Variants in CHD2 observed in about 807,000 individuals in gnomAD.
The protein encoded by CHD2 is chromodomain helicase DNA binding protein 2.
CHD2 carries 28 observed loss-of-function variants against 243.9 expected under a neutral mutation model. The observed-to-expected ratio is 0.11, with a 90% CI of 0.09 to 0.16. The LOEUF is 0.16. CHD2 is among the 10% of genes least tolerant of loss of function. The probability of loss-of-function intolerance (pLI) is 1.00; values close to 1 mark genes in which losing one functional copy is unlikely to be tolerated. For synonymous variants in CHD2, 775 were observed against 779.0 expected, an observed-to-expected ratio of 0.99 and a Z score of 0.09; for missense variants, 1,386 against 2,209.8, an observed-to-expected ratio of 0.63 and a Z score of 7.47.
intron 37 of CHD2, among the ~76,000 whole-genome samples, chr15:93,016,847 A>G (rs1256290439): frequency 6.6e-6 from 1 of 151,842 alleles, no homozygotes; most frequent in Non-Finnish European, 1.5e-5. Flanking sequence ...AAAATTTTGG[A>G]AATTTGATTA....
At chr15:92,941,186 C>T (rs561488504) in intron 7 of CHD2, among the ~76,000 whole-genome samples, 217 of 151,132 alleles carry the variant, frequency 1.4e-3, no homozygotes, top group African/African-American at 4.6e-3. Flanking sequence ...TTAATCGATA[C>T]GGTCACCATG....
At chr15:92,970,877 G>A (rs891646487) in intron 17 of CHD2, among the ~76,000 whole-genome samples, 10 of 152,074 alleles carry the variant, frequency 6.6e-5, no homozygotes, top group Admixed American at 3.3e-4. Flanking sequence ...AAGAAATTGC[G>A]CCACTCAGGA....
intron 5 of CHD2, among the ~76,000 whole-genome samples, chr15:92,934,318 C>G (rs1446397151): frequency 1.3e-5 from 2 of 152,204 alleles, no homozygotes. Flanking sequence ...TTTTCCATGT[C>G]TATTTACATT....
At position 92,953,282 on chromosome 15, in the gene CHD2, G is replaced by A. The variant is rs533154257; in HGVS notation, c.1503-75G>A. 4.8e-5 allele frequency: 57 copies of A among 1,192,892 alleles called. No individual in the cohort carries two copies. In the Middle Eastern group the frequency reaches 1.2e-3, roughly 25 times the overall value. 73.9% of individuals were successfully genotyped at this position (1,192,892 alleles called of 1,614,324 possible). ...GCTGTTATTGTGAAGCATTGGTGTC[G>A]TTGCTGTTTATGCACATTCTGTGTT... On this transcript the variant is annotated intron_variant, in intron 13 of 38. Coordinates refer to ENST00000394196, the MANE Select transcript of CHD2 (RefSeq NM_001271.4).
chr15:92,952,889 A>T (rs2053572452), intron 13 of CHD2, among the ~76,000 whole-genome samples: 1 of 152,198 alleles, frequency 6.6e-6, no homozygotes, highest in Non-Finnish European at 1.5e-5. Flanking sequence ...ATGCACCTAT[A>T]CATGTAGGTC....
chr15:92,940,950 TATAAATATATATAAATATAA>T (rs1178624965), intron 7 of CHD2, among the ~76,000 whole-genome samples: 2 of 124,260 alleles, frequency 1.6e-5, no homozygotes, highest in South Asian at 2.5e-4. Context: ...TATATATAAA[TATAAATATATATAAATATAA>T]ATATAAATAT....
At position 92,972,328 on chromosome 15, in the gene CHD2, A is replaced by C; in HGVS notation, c.2416A>C (p.Arg806=). Reference sequence around the variant, plus strand: ...CAAACTGTTGACAAGACTTCGAGAAAGGGGGAATCGAGTGCTTATCTTCTC... The same window carrying C: ...CAAACTGTTGACAAGACTTCGAGAACGGGGGAATCGAGTGCTTATCTTCTC... The part of the protein sequence containing the change: ...LDKLLTRLRE[R]GNRVLIFSQM... The change falls in exon 19 of 39, where the codon AGG becomes CGG. Residue 806 remains arginine (R), a synonymous_variant. Transcript: ENST00000394196. The C allele has an allele frequency of 6.2e-7, 1 of 1,613,220 alleles. No homozygotes were observed. Among genetic ancestry groups the C allele is most frequent in the Non-Finnish European group, 8.5e-7 (1 of 1,179,570 alleles).
rs1359312011 is a variant in CHD2 at position 93,027,480 on chromosome 15, C to G, written c.*2775C>G. 6.6e-6 allele frequency: 1 copy of G among 152,324 alleles called. No individual in the cohort carries two copies. Among genetic ancestry groups the G allele is most frequent in the Non-Finnish European group, 1.5e-5 (1 of 68,076 alleles). 9.4% of individuals were successfully genotyped at this position (152,324 alleles called of 1,614,324 possible). On this transcript the variant is annotated 3_prime_UTR_variant, in exon 39 of 39. Transcript: ENST00000394196. ...GTGCCAGCAGAGCCCGGGGCTCACT[C>G]TCCTTTCAGTCATTCCTCAGCCCTT...
chr15:92,920,598 T>A (rs1383389158), intron 2 of CHD2, among the ~76,000 whole-genome samples: 1 of 152,196 alleles, frequency 6.6e-6, no homozygotes, highest in Non-Finnish European at 1.5e-5. Context: ...CTGCCTTTTG[T>A]GGGTCTCTAG....
chr15:92,997,172 C>T lies in CHD2; in HGVS notation c.3734+77C>T. On this transcript the variant is annotated intron_variant, in intron 29 of 38. Transcript: ENST00000394196. The surrounding 1 kb of genome is among the most constrained non-coding windows in gnomAD (Gnocchi z 4.1). ...TTTGAAGTTAGACTTTGTGTAGTTC[C>T]ATAGTATTTTTACTGTCTCTTCTTT... The T allele has an allele frequency of 6.2e-7, 1 of 1,606,150 alleles. No individual in the cohort carries two copies. The highest frequency in any genetic ancestry group is 8.5e-7 in the Non-Finnish European group (1 of 1,176,662).
intron 34 of CHD2, among the ~76,000 whole-genome samples, chr15:93,007,507 A>G (rs2054336202): frequency 6.6e-6 from 1 of 152,192 alleles, no homozygotes; most frequent in South Asian, 2.1e-4. Context: ...GAAGTATAAC[A>G]CAGAAAAATC....
chr15:92,938,634 T>C (rs935413039), intron 6 of CHD2, among the ~76,000 whole-genome samples: 1 of 152,242 alleles, frequency 6.6e-6, no homozygotes, highest in African/African-American at 2.4e-5. Flanking sequence ...TTTTAGAATT[T>C]TGCTCATTAT....
chr15:92,965,565 C>CAAAAAAAAAAAAAA (rs61447848), intron 16 of CHD2, among the ~76,000 whole-genome samples: 10 of 111,044 alleles, frequency 9.0e-5, no homozygotes, highest in Non-Finnish European at 1.4e-4. Context: ...ACTCTTTCTC[C>CAAAAAAAAAAAAAA]AAAAAAAAAA....
chr15:92,976,412 C>T (rs1249590412), intron 20 of CHD2, among the ~76,000 whole-genome samples: 1 of 152,112 alleles, frequency 6.6e-6, no homozygotes, highest in Non-Finnish European at 1.5e-5. Context: ...CTAGACACAA[C>T]TTGCTGTTCA....
intron 6 of CHD2, 43 bp from the exon 7 acceptor site, chr15:92,939,535 G>T: frequency 6.3e-7 from 1 of 1,593,106 alleles, no homozygotes; most frequent in East Asian, 2.2e-5. Flanking sequence ...GACACCAAAT[G>T]ATAAAGTGAA....
intron 37 of CHD2, among the ~76,000 whole-genome samples, chr15:93,015,688 G>C (rs1181270301): frequency 2.6e-5 from 4 of 151,984 alleles, no homozygotes; most frequent in Non-Finnish European, 5.9e-5. Context: ...CGATTAAAAA[G>C]TGGGTAAAGG....
At chr15:92,950,646 T>C (rs546269666) in intron 13 of CHD2, among the ~76,000 whole-genome samples, 1 of 152,030 alleles carries the variant, frequency 6.6e-6, no homozygotes, top group Admixed American at 6.6e-5. Flanking sequence ...CTCAGCTACT[T>C]GGGGGCTGAG....
At position 92,991,457 on chromosome 15, in the gene CHD2, T is replaced by C; in HGVS notation, c.3414-19T>C. ...TAAGTCTCTGTTTTTTTAATATGTT[T>C]TATTGATCCTATTCTTAGGTTCATC... On this transcript the variant is annotated intron_variant, in intron 26 of 38. Coordinates refer to ENST00000394196, the MANE Select transcript of CHD2 (RefSeq NM_001271.4). 4 of 1,583,838 alleles carry C rather than the reference T, an allele frequency of 2.5e-6. No homozygotes were observed. Among genetic ancestry groups the C allele is most frequent in the Non-Finnish European group, 3.5e-6 (4 of 1,157,368 alleles).
At chr15:92,926,723 A>C (rs959611910) in intron 3 of CHD2, among the ~76,000 whole-genome samples, 3 of 152,210 alleles carry the variant, frequency 2.0e-5, no homozygotes, top group Non-Finnish European at 4.4e-5. Flanking sequence ...CATTCTGAGA[A>C]CTTCTAGCTA....
Sources: allele counts gnomAD v4.1 joint callset (sites outside exome capture counted in the v4.1 genomes callset), GRCh38; gene constraint gnomAD v4.1.1; non-coding constraint Gnocchi (gnomAD v3.1); transcripts MANE v1.5; gene names NCBI Gene and HGNC (gene_info 2026-07-23, HGNC 2026-07-21).